The following GSDMB variants were observed in gnomAD, a reference collection of about 807,000 sequenced individuals.
GSDMB encodes the protein gasdermin B.
In GSDMB, 32 loss-of-function variants were observed where a neutral mutation model predicts 42.9. The ratio of observed to expected loss-of-function variants is 0.75; its 90% confidence interval spans 0.56 to 1.00. GSDMB has a LOEUF of 1.00. GSDMB is among the 50% of genes least tolerant of loss of function. The pLI is 0.00. For synonymous variants in GSDMB, 175 were observed against 193.7 expected (o/e 0.90, Z 0.80); for missense variants, 468 against 498.5 (o/e 0.94, Z 0.58).
chr17:39,912,517 G>A lies in GSDMB; in HGVS notation c.236-20C>T, dbSNP rs1364803248. The A allele has an allele frequency of 6.3e-7, 1 of 1,599,064 alleles. No homozygotes were observed. The highest frequency in any genetic ancestry group is 1.1e-5 in the South Asian group (1 of 90,744). ...TTTGACCTGGAAAGAGAATGATAAA[G>A]GTCACTCTGGAGCAGACCCCCAAAA... On this transcript the variant is annotated intron_variant, in intron 2 of 10. Coordinates refer to ENST00000418519, the MANE Select transcript of GSDMB (RefSeq NM_001165958.2).
At position 39,917,099 on chromosome 17, in the gene GSDMB, A is replaced by G; in HGVS notation, c.218T>C (p.Leu73Pro). 6.2e-7 allele frequency: 1 copy of G among 1,613,366 alleles called. No individual in the cohort carries two copies. Among genetic ancestry groups the G allele is most frequent in the Non-Finnish European group, 8.5e-7 (1 of 1,179,266 alleles). ...DTDGDKWLDE[L>P]DSGLQGQKAE... ...ATACTGACCTTGGAGCCCAGAATCCAGTTCATCTAACCACTTGTCCCCATC... is the reference window on the plus strand; with the variant it reads ...ATACTGACCTTGGAGCCCAGAATCCGGTTCATCTAACCACTTGTCCCCATC... Residue 73 changes from leucine to proline, a missense_variant, in exon 2 of 11, where the codon CTG (leucine) becomes CCG (proline). Physicochemically the swap from Leu to Pro is moderately conservative, Grantham distance 98. Coordinates refer to ENST00000418519, the MANE Select transcript of GSDMB (RefSeq NM_001165958.2).
chr17:39,906,841 G>A, intron 7 of GSDMB, 120 bp downstream of exon 7: 1 of 1,564,732 alleles, frequency 6.4e-7, no homozygotes, highest in East Asian at 2.3e-5. Context: ...AAACCTGCTA[G>A]GCAGTGCCTC....
chr17:39,909,398 A>G (rs2063565243), intron 4 of GSDMB: 1 of 371,288 alleles, frequency 2.7e-6, no homozygotes, highest in East Asian at 5.8e-5. Context: ...ACCATGGGAA[A>G]TGTACAAAGA....
rs538483860 is a variant in GSDMB, at chr17:39,905,738, C to G, written c.1027+109G>C. On this transcript the variant is annotated intron_variant, in intron 9 of 10. Transcript: ENST00000418519. ...GAGGAAGACATGAAGGAGTGCCCCC[C>G]ATAAACTGTGAAGAGCAACATGCAG... 4.0e-6 allele frequency: 5 copies of G among 1,256,922 alleles called. No homozygotes were observed. The Admixed American group carries it at 5.9e-5, about 15-fold the overall frequency. 77.9% of individuals were successfully genotyped at this position (1,256,922 alleles called of 1,614,324 possible). A position where few individuals can be genotyped will look rare whatever the true frequency, so the allele number is the denominator to read the frequency against.
chr17:39,908,310 T>G, intron 5 of GSDMB, 96 bp from the exon 6 acceptor site: 5 of 399,494 alleles, frequency 1.3e-5, no homozygotes, highest in East Asian at 4.7e-5. Flanking sequence ...TCAATCCCTA[T>G]ACCAGCCTCC....
intron 3 of GSDMB, among the ~76,000 whole-genome samples, chr17:39,911,317 C>A (rs2063603211): frequency 1.8e-5 from 1 of 54,198 alleles, no homozygotes; most frequent in African/African-American, 6.9e-5. Context: ...AAGTGAAACT[C>A]CATCTCAAAA....
At position 39,904,772 on chromosome 17, in the gene GSDMB, G is replaced by A; in HGVS notation, c.*40C>T. On this transcript the variant is annotated 3_prime_UTR_variant, in exon 11 of 11. Coordinates refer to ENST00000418519, the MANE Select transcript of GSDMB (RefSeq NM_001165958.2). ...TGGCAGTGAGGACAGACTGGTAAAG[G>A]GAAAACCCAGAGGCTTGTGGGGAGA... 6.3e-7 allele frequency: 1 copy of A among 1,594,378 alleles called. No individual in the cohort carries two copies. The highest frequency in any genetic ancestry group is 8.6e-7 in the Non-Finnish European group (1 of 1,164,876).
chr17:39,912,186 C>T, intron 3 of GSDMB, 140 bp downstream of exon 3: 1 of 628,848 alleles, frequency 1.6e-6, no homozygotes, highest in Non-Finnish European at 2.7e-6. Context: ...AGCCAGTCCC[C>T]CACAAAGCTC....
Position 39,905,896 on chromosome 17 carries a change from C to A in GSDMB, c.978G>T (p.Leu326Phe), listed in dbSNP as rs1212912812. The change falls in exon 9 of 11, where the codon TTG (leucine) becomes TTT (phenylalanine). Residue 326 changes from leucine (L) to phenylalanine (F), a missense_variant. Physicochemically the swap from Leu to Phe is conservative, Grantham distance 22. Coordinates refer to ENST00000418519, the MANE Select transcript of GSDMB (RefSeq NM_001165958.2). ...LSSLFNAAGV[L>F]VEARAKAILD... ...GAATGGCTTTTGCACGCGCTTCTAC[C>A]AAGACCCCAGCAGCATTAAAAAGGC... 3.1e-6 allele frequency: 5 copies of A among 1,614,072 alleles called. No individual in the cohort carries two copies. Among genetic ancestry groups the A allele is most frequent in the Non-Finnish European group, 4.2e-6 (5 of 1,180,002 alleles).
intron 3 of GSDMB, 143 bp downstream of exon 3, chr17:39,912,183 C>G: frequency 3.2e-6 from 2 of 615,594 alleles, no homozygotes; most frequent in Non-Finnish European, 5.6e-6. Flanking sequence ...GAGAGCCAGT[C>G]CCCCACAAAG....
rs150941805 is a variant in GSDMB, at chr17:39,917,137, G to T, written c.180C>A (p.Asp60Glu). ...ACTTGTCCCCATCTGTGTCCAGAAT[G>T]TCCATCAGGGTGAGGCCTGTTGTGT... ...RHYTTGLTLM[D>E]ILDTDGDKWL... is the part of the protein sequence containing the mutation. The change falls in exon 2 of 11, where the codon GAC (aspartate) becomes GAA (glutamate). Residue 60 changes from aspartate to glutamate, a missense_variant. Coordinates refer to ENST00000418519, the MANE Select transcript of GSDMB (RefSeq NM_001165958.2). 609 of 1,614,114 alleles carry T rather than the reference G, an allele frequency of 3.8e-4. 2 individuals are homozygous for T. The highest frequency in any genetic ancestry group is 2.8e-3 in the Middle Eastern group (17 of 6,062).
intron 9 of GSDMB, 133 bp from the exon 10 acceptor site, chr17:39,905,629 C>A: frequency 2.2e-6 from 2 of 900,618 alleles, no homozygotes; most frequent in Admixed American, 2.0e-5. Flanking sequence ...AGACTTACTC[C>A]AAACAGGCCT....
intron 2 of GSDMB, 140 bp downstream of exon 2, chr17:39,916,942 T>C (rs2144721031): frequency 3.3e-6 from 2 of 612,320 alleles, no homozygotes; most frequent in Non-Finnish European, 2.9e-6. Context: ...CGTGCATTTC[T>C]TAAATTAAGG....
At chr17:39,913,111 TCAAAACAAAA>T (rs5820308) in intron 2 of GSDMB, among the ~76,000 whole-genome samples, 8 of 149,562 alleles carry the variant, frequency 5.3e-5, no homozygotes, top group African/African-American at 1.2e-4. Context: ...CCTCTCTGCC[TCAAAACAAAA>T]CAAAACAAAA....
At position 39,917,012 on chromosome 17, in the gene GSDMB, T is replaced by C. The variant is rs184620879; in HGVS notation, c.235+70A>G. 2,085 of 939,816 alleles carry C rather than the reference T, an allele frequency of 2.2e-3. 3 individuals are homozygous for C. The highest frequency in any genetic ancestry group is 3.0e-3 in the Non-Finnish European group (1,733 of 571,680). The allele number at this position is 939,816 out of a possible 1,614,324, so 58.2% of individuals were successfully genotyped here. A position where few individuals can be genotyped will look rare whatever the true frequency, so the allele number is the denominator to read the frequency against. ...TTGATTGGTTGATAACAATGGGGAA[T>C]TGAGAAGGAGATGGAGTACAAACGG... is the stretch of plus-strand genomic sequence containing the variant. On this transcript the variant is annotated intron_variant, in intron 2 of 10. Coordinates refer to ENST00000418519, the MANE Select transcript of GSDMB (RefSeq NM_001165958.2).
rs1598273186 is a variant in GSDMB, at chr17:39,905,958, G to A, written c.916C>T (p.Leu306=). The A allele has an allele frequency of 6.2e-7, 1 of 1,614,016 alleles. No homozygotes were observed. Among genetic ancestry groups the A allele is most frequent in the African/African-American group, 1.3e-5 (1 of 75,022 alleles). The change falls in exon 9 of 11, where the codon CTA becomes TTA. Residue 306 remains leucine, a synonymous_variant. Transcript: ENST00000418519. ...GGCTTGTCTGGGTCCTCCATGTGTA[G>A]CTCCCCGGAAATCAGGACCTCAGAT... ...RVSEVLISGE[L]HMEDPDKPLL... is the part of the protein sequence containing the mutation.
chr17:39,910,513 C>T (rs2063588097), intron 3 of GSDMB, among the ~76,000 whole-genome samples: 1 of 152,166 alleles, frequency 6.6e-6, no homozygotes, highest in Non-Finnish European at 1.5e-5. Flanking sequence ...CAAGGTCACA[C>T]AGCTAGTAAG....
chr17:39,917,463 A>T (rs1302199325), intron 1 of GSDMB, 133 bp from the exon 2 acceptor site: 2 of 632,522 alleles, frequency 3.2e-6, no homozygotes, highest in Non-Finnish European at 5.7e-6. Context: ...TGTGACCTGC[A>T]TGTATACATC....
At chr17:39,911,548 C>T (rs995956045) in intron 3 of GSDMB, among the ~76,000 whole-genome samples, 3 of 152,102 alleles carry the variant, frequency 2.0e-5, no homozygotes, top group Non-Finnish European at 2.9e-5. Flanking sequence ...GGCACTGGAT[C>T]GGTGCCACCC....
Sources: gnomAD v4.1 joint callset for allele counts (sites outside exome capture counted in the v4.1 genomes callset) on GRCh38, gnomAD v4.1.1 for gene constraint, MANE v1.5 for transcripts, NCBI Gene and HGNC (gene_info 2026-07-23, HGNC 2026-07-21) for gene names.